The following IL1RAPL1 variants were observed in gnomAD, a reference collection of about 807,000 sequenced individuals.
The protein encoded by IL1RAPL1 is interleukin 1 receptor accessory protein like 1.
IL1RAPL1 carries 3 observed loss-of-function variants against 48.4 expected under a neutral mutation model. The ratio of observed to expected loss-of-function variants is 0.06; its 90% CI spans 0.03 to 0.16. The LOEUF (loss-of-function observed/expected upper bound fraction) is 0.16. IL1RAPL1 is among the 10% of genes least tolerant of loss of function. The pLI, the probability that IL1RAPL1 is intolerant of heterozygous loss-of-function variation, is 1.00. For missense variants in IL1RAPL1, 349 were observed against 530.6 expected, an observed-to-expected ratio of 0.66 and a Z score of 3.36; for synonymous variants, 185 against 187.7, an observed-to-expected ratio of 0.99 and a Z score of 0.12.
At chrX:29,589,360 G>C (rs1425020767) in intron 5 of IL1RAPL1, among the ~76,000 whole-genome samples, 1 of 111,674 alleles carries the variant, frequency 9.0e-6, no homozygotes, top group East Asian at 2.8e-4. Context: ...CACTGCTCTA[G>C]GTGCTAGGGA....
intron 3 of IL1RAPL1, among the ~76,000 whole-genome samples, chrX:29,366,788 C>T (rs1235257996): frequency 3.7e-5 from 4 of 109,173 alleles, no homozygotes; most frequent in African/African-American, 1.0e-4. Flanking sequence ...AGGATGGTCT[C>T]GATTTCCTGG....
At chrX:29,520,530 T>C (rs769334530) in intron 5 of IL1RAPL1, among the ~76,000 whole-genome samples, 24 of 111,651 alleles carry the variant, frequency 2.1e-4, no homozygotes, top group Admixed American at 2.0e-3. Flanking sequence ...TATTTGAATT[T>C]ACATTTTAAG....
At chrX:29,225,417 C>A (rs1320674595) in intron 2 of IL1RAPL1, among the ~76,000 whole-genome samples, 1 of 111,750 alleles carries the variant, frequency 8.9e-6, no homozygotes, top group Non-Finnish European at 1.9e-5. Flanking sequence ...TGCATCACAA[C>A]CTTTACTGGG....
intron 6 of IL1RAPL1, among the ~76,000 whole-genome samples, chrX:29,751,987 G>A (rs1261594650): frequency 4.0e-5 from 4 of 101,198 alleles, no homozygotes; most frequent in African/African-American, 1.4e-4. Flanking sequence ...ATATATGTGT[G>A]TGTATATATA....
At chrX:29,670,917 G>T (rs906288929) in intron 6 of IL1RAPL1, among the ~76,000 whole-genome samples, 1 of 111,657 alleles carries the variant, frequency 9.0e-6, no homozygotes, top group African/African-American at 3.2e-5. Context: ...GAATTTTACG[G>T]TCCAAGTATT....
At chrX:28,763,298 G>C (rs913512557) in intron 1 of IL1RAPL1, among the ~76,000 whole-genome samples, 9 of 111,832 alleles carry the variant, frequency 8.0e-5, no homozygotes, top group Non-Finnish European at 1.7e-4. Context: ...AATTTATTCA[G>C]TGTTTTGTAC....
At chrX:29,871,157 T>C (rs1250508376) in intron 6 of IL1RAPL1, among the ~76,000 whole-genome samples, 2 of 112,134 alleles carry the variant, frequency 1.8e-5, no homozygotes, top group Non-Finnish European at 3.8e-5. Flanking sequence ...GGCCCTTTTT[T>C]CCATGCTGTA....
chrX:29,372,246 A>G (rs1345338717), intron 3 of IL1RAPL1, among the ~76,000 whole-genome samples: 1 of 111,985 alleles, frequency 8.9e-6, no homozygotes, highest in East Asian at 2.8e-4. Flanking sequence ...GTCTGTTCAT[A>G]TCCTTTGCCC....
chrX:29,064,661 A>G (rs1429518381), intron 2 of IL1RAPL1, among the ~76,000 whole-genome samples: 1 of 111,269 alleles, frequency 9.0e-6, no homozygotes, highest in Non-Finnish European at 1.9e-5. Flanking sequence ...GGCTCACGGC[A>G]ACCTCCACCT....
At chrX:29,275,539 A>G (rs1222555760) in intron 2 of IL1RAPL1, among the ~76,000 whole-genome samples, 1 of 111,822 alleles carries the variant, frequency 8.9e-6, no homozygotes, top group East Asian at 2.8e-4. Flanking sequence ...CACATTTTTA[A>G]TTTCATCTCT....
intron 3 of IL1RAPL1, among the ~76,000 whole-genome samples, chrX:29,321,269 A>C (rs1284448350): frequency 2.7e-5 from 3 of 111,985 alleles, no homozygotes; most frequent in Non-Finnish European, 3.8e-5. Context: ...TTTTGCCCAC[A>C]GACAGAAAGA....
intron 2 of IL1RAPL1, among the ~76,000 whole-genome samples, chrX:28,939,283 A>C (rs2147348021): frequency 9.0e-6 from 1 of 111,526 alleles, no homozygotes; most frequent in Non-Finnish European, 1.9e-5. Flanking sequence ...GAATAAATCT[A>C]ACTGTCCATC....
chrX:29,092,981 G>A (rs767074003), intron 2 of IL1RAPL1, among the ~76,000 whole-genome samples: 5 of 111,855 alleles, frequency 4.5e-5, no homozygotes, highest in African/African-American at 6.5e-5. Flanking sequence ...AATGGGCTAC[G>A]TTATTTAATA....
At chrX:29,325,278 A>T (rs760691185) in intron 3 of IL1RAPL1, among the ~76,000 whole-genome samples, 2 of 112,260 alleles carry the variant, frequency 1.8e-5, no homozygotes, top group South Asian at 7.4e-4. Flanking sequence ...TAAGCACTAT[A>T]TATGTTTTTA....
intron 2 of IL1RAPL1, among the ~76,000 whole-genome samples, chrX:28,964,536 A>ATT (rs1924873009): frequency 8.9e-6 from 1 of 111,742 alleles, no homozygotes; most frequent in Admixed American, 9.5e-5. Flanking sequence ...ATTGGTAGGA[A>ATT]TTTAGCAGTG....
intron 5 of IL1RAPL1, among the ~76,000 whole-genome samples, chrX:29,454,590 A>G (rs776032713): frequency 8.0e-5 from 9 of 111,834 alleles, no homozygotes; most frequent in Non-Finnish European, 1.3e-4. Context: ...ACAGCAGAAG[A>G]ACCAGAGTTG....
chrX:29,150,346 G>C (rs913867062), intron 2 of IL1RAPL1, among the ~76,000 whole-genome samples: 3 of 111,595 alleles, frequency 2.7e-5, no homozygotes, highest in Non-Finnish European at 5.6e-5. Context: ...AGGCAGACAG[G>C]ATAGATAAGT....
chrX:29,345,065 C>T (rs139342273), intron 3 of IL1RAPL1, among the ~76,000 whole-genome samples: 123 of 112,733 alleles, frequency 1.1e-3, no homozygotes, highest in African/African-American at 3.8e-3. Flanking sequence ...TACATTTAAT[C>T]GTTTCCTTAT....
chrX:29,602,064 A>G (rs1923737870), intron 5 of IL1RAPL1, among the ~76,000 whole-genome samples: 1 of 111,281 alleles, frequency 9.0e-6, no homozygotes, highest in Non-Finnish European at 1.9e-5. Context: ...GCTCACTGCA[A>G]CCTCTGCCTC....
Sources: allele counts gnomAD v4.1 joint callset (sites outside exome capture counted in the v4.1 genomes callset), GRCh38; gene constraint gnomAD v4.1.1; transcripts MANE v1.5; gene names NCBI Gene and HGNC (gene_info 2026-07-23, HGNC 2026-07-21).